The following ZNF718 variants were observed in gnomAD, a reference collection of about 807,000 sequenced individuals.
ZNF718 encodes zinc finger protein 718.
ZNF718 carries 3 observed loss-of-function variants against 2.6 expected under a neutral mutation model. The ratio of observed to expected loss-of-function variants is 1.16; its 90% CI spans 0.53 to 3.01. The LOEUF (loss-of-function observed/expected upper bound fraction) is 3.01. ZNF718 is among the 30% of genes most tolerant of loss of function. ZNF718 has a pLI of 0.03. For missense variants in ZNF718, 468 were observed against 230.0 expected (o/e 2.03, Z -6.69); for synonymous variants, 135 against 77.9 (o/e 1.73, Z -3.86).
intron 1 of ZNF718, 117 bp downstream of exon 1, chr4:124,790 T>G: frequency 7.1e-7 from 1 of 1,408,354 alleles, no homozygotes; most frequent in South Asian, 1.3e-5. Context: ...CTGTCCTCAG[T>G]CCCCTCCGGT....
At chr4:168,843 T>A (rs1381059409), downstream of ZNF718, among the ~76,000 whole-genome samples, 1 of 152,236 alleles carries the variant, frequency 6.6e-6, no homozygotes, top group Non-Finnish European at 1.5e-5. Flanking sequence ...TTTTTGTGTC[T>A]CTATCTCCTT....
chr4:151,150 T>C lies in ZNF718; in HGVS notation c.227-9762T>C, dbSNP rs193251975. Among the ~76,000 whole-genome samples, 1,122 of 152,322 alleles carry C rather than the reference T, an allele frequency of 7.4e-3. 14 individuals carry two copies. Among genetic ancestry groups the C allele is most frequent in the Middle Eastern group, 0.061 (18 of 294 alleles). On this transcript the variant is annotated intron_variant, in intron 3 of 3. Transcript: ENST00000510175. ...TGGAGTCTTACTCTGTCACCCAGGC[T>C]GGAGTGTAGTGGTGTGATCTCAGCT...
At chr4:176,239 C>T (rs1717344047) in intron 3 of ZNF718, among the ~76,000 whole-genome samples, 1 of 152,146 alleles carries the variant, frequency 6.6e-6, no homozygotes, top group East Asian at 1.9e-4. Context: ...GCCTACTTGG[C>T]CACAATACAA....
chr4:161,747 T>C lies in ZNF718; in HGVS notation c.1062T>C (p.Leu354=), dbSNP rs782119788. 1.3e-6 allele frequency: 1 copy of C among 779,696 alleles called. No individual in the cohort carries two copies. Among genetic ancestry groups the C allele is most frequent in the Non-Finnish European group, 2.4e-6 (1 of 417,556 alleles). The allele number at this position is 779,696 out of a possible 1,614,324, so 48.3% of individuals were successfully genotyped here. The change falls in exon 4 of 4, where the codon CTT becomes CTC. Residue 354 remains leucine (L), a synonymous_variant. Transcript: ENST00000510175. ...CGKSFNRSTT[L]TTHKRIHTGE... is the part of the protein sequence containing the mutation. ...AATCCTTTAATAGGTCCACAACTCTTACGACACATAAGAGAATCCATACTG... is the reference window on the plus strand; with the variant it reads ...AATCCTTTAATAGGTCCACAACTCTCACGACACATAAGAGAATCCATACTG...
At chr4:165,792 C>T (rs868971569), downstream of ZNF718, among the ~76,000 whole-genome samples, 25 of 152,084 alleles carry the variant, frequency 1.6e-4, no homozygotes, top group Admixed American at 3.9e-4. Context: ...GAGTGAGACT[C>T]AGTGTCAAAA....
At chr4:166,766 G>T (rs377684557), downstream of ZNF718, among the ~76,000 whole-genome samples, 20 of 152,064 alleles carry the variant, frequency 1.3e-4, no homozygotes, top group African/African-American at 4.3e-4. Context: ...TTGTCAGATG[G>T]GTAGATTGCA....
At chr4:173,056 A>T (rs1560128247) in intron 3 of ZNF718, among the ~76,000 whole-genome samples, 5 of 152,034 alleles carry the variant, frequency 3.3e-5, no homozygotes, top group Non-Finnish European at 7.4e-5. Flanking sequence ...AAAAATAAAT[A>T]AAATAAAAAT....
intron 3 of ZNF718, among the ~76,000 whole-genome samples, chr4:191,144 CTT>C (rs1194078764): frequency 9.0e-5 from 11 of 122,256 alleles, no homozygotes; most frequent in South Asian, 2.9e-4. Context: ...AGACATAAGT[CTT>C]TTTTTTTTTT....
intron 3 of ZNF718, among the ~76,000 whole-genome samples, chr4:155,834 G>C (rs753130448): frequency 6.6e-6 from 1 of 152,158 alleles, no homozygotes; most frequent in Non-Finnish European, 1.5e-5. Flanking sequence ...GAATGATAGG[G>C]TTTGGCTGTG....
intron 3 of ZNF718, among the ~76,000 whole-genome samples, chr4:153,781 CTG>C (rs1469919148): frequency 6.6e-6 from 1 of 152,138 alleles, no homozygotes; most frequent in South Asian, 2.1e-4. Flanking sequence ...CTGAACAAAT[CTG>C]TATACTGAAC....
chr4:132,536 C>T lies in ZNF718; in HGVS notation c.226+1031C>T, dbSNP rs1330692788. 2.9e-5 allele frequency among the ~76,000 whole-genome samples: 3 copies of T among 102,468 alleles called. 1 individual carries two copies. Among genetic ancestry groups the T allele is most frequent in the African/African-American group, 1.0e-4 (3 of 29,420 alleles). 67.2% of individuals were successfully genotyped at this position (102,468 alleles called of 152,430 possible). A position where few individuals can be genotyped will look rare whatever the true frequency, so the allele number is the denominator to read the frequency against. ...CTTTGCATCATGTCTAAAATGTGTA[C>T]GGTGACTAGTGGATATATTGGGATT... On this transcript the variant is annotated intron_variant, in intron 3 of 3. Coordinates refer to ENST00000510175, the MANE Select transcript of ZNF718 (RefSeq NM_001039127.6).
intron 3 of ZNF718, among the ~76,000 whole-genome samples, chr4:195,008 C>T (rs1205511420): frequency 6.6e-6 from 1 of 152,074 alleles, no homozygotes; most frequent in East Asian, 1.9e-4. Context: ...CTTTCTTGAC[C>T]ACAAAGAAAG....
chr4:134,226 A>G (rs1265113021), intron 3 of ZNF718, among the ~76,000 whole-genome samples: 1 of 152,108 alleles, frequency 6.6e-6, no homozygotes, highest in East Asian at 1.9e-4. Context: ...TACTCACTGC[A>G]AGGTCTGCCT....
chr4:168,585 G>T (rs1167793939), downstream of ZNF718, among the ~76,000 whole-genome samples: 1 of 152,150 alleles, frequency 6.6e-6, no homozygotes, highest in East Asian at 1.9e-4. Flanking sequence ...TCTTGGGAGG[G>T]TGTCTGTGTT....
intron 3 of ZNF718, among the ~76,000 whole-genome samples, chr4:196,971 G>A (rs1035504715): frequency 4.7e-5 from 7 of 150,144 alleles, no homozygotes; most frequent in Admixed American, 2.6e-4. Context: ...TGTTATGGGC[G>A]GGTCTTTGTT....
chr4:150,366 G>A (rs782527826), intron 3 of ZNF718: 7 of 152,038 alleles, frequency 4.6e-5, no homozygotes, highest in South Asian at 2.1e-4. Context: ...TTTTGGATAC[G>A]ATGATGTAGT....
chr4:175,132 C>G (rs773941878), intron 3 of ZNF718, among the ~76,000 whole-genome samples: 2 of 152,182 alleles, frequency 1.3e-5, no homozygotes, highest in Admixed American at 6.5e-5. Flanking sequence ...AACCCAGTAC[C>G]TAAAATCCCT....
intron 3 of ZNF718, among the ~76,000 whole-genome samples, chr4:190,307 G>A (rs974713972): frequency 1.3e-5 from 2 of 152,044 alleles, no homozygotes; most frequent in East Asian, 3.9e-4. Flanking sequence ...ATGGGCGCCT[G>A]TAGTCCCAGC....
chr4:178,851 A>T (rs902617056), intron 3 of ZNF718, among the ~76,000 whole-genome samples: 10 of 152,030 alleles, frequency 6.6e-5, no homozygotes, highest in Non-Finnish European at 1.3e-4. Context: ...TGGCATTTGT[A>T]CTCCACTAAG....
Sources: allele counts gnomAD v4.1 joint callset (sites outside exome capture counted in the v4.1 genomes callset), GRCh38; gene constraint gnomAD v4.1.1; transcripts MANE v1.5; gene names NCBI Gene and HGNC (gene_info 2026-07-23, HGNC 2026-07-21).